Variants in ERC2 observed in about 807,000 individuals in gnomAD.
ERC2 encodes ERC protein 2.
In ERC2, 42 loss-of-function variants were observed where a neutral mutation model predicts 114.8. That is an observed-to-expected ratio of 0.37 (90% CI 0.29 to 0.47). The LOEUF (loss-of-function observed/expected upper bound fraction) is 0.47, where lower values mean the gene tolerates loss of function less well. ERC2 is among the 20% of genes least tolerant of loss of function. The pLI, the probability that ERC2 is intolerant of heterozygous loss-of-function variation, is 0.99. For synonymous variants in ERC2, 454 were observed against 425.5 expected (o/e 1.07, Z -0.82); for missense variants, 939 against 1,150.7 (o/e 0.82, Z 2.66).
intron 2 of ERC2, among the ~76,000 whole-genome samples, chr3:56,417,621 A>G (rs77215494): frequency 0.014 from 2,085 of 152,306 alleles, 49 homozygotes; most frequent in African/African-American, 0.048. Flanking sequence ...TACCACATCT[A>G]TTTTACAGGT....
intron 17 of ERC2, among the ~76,000 whole-genome samples, chr3:55,669,079 C>A (rs1000072332): frequency 6.6e-6 from 1 of 152,172 alleles, no homozygotes; most frequent in African/African-American, 2.4e-5. Flanking sequence ...ATCTTATCAA[C>A]AAAGAACCCT....
chr3:56,307,811 T>C (rs2056315221), intron 2 of ERC2, among the ~76,000 whole-genome samples: 1 of 143,832 alleles, frequency 7.0e-6, no homozygotes, highest in Admixed American at 7.2e-5. Flanking sequence ...AATCATGTAT[T>C]CACTATACAC....
intron 17 of ERC2, among the ~76,000 whole-genome samples, chr3:55,642,294 TCCTACG>T (rs1014382787): frequency 1.3e-5 from 2 of 151,788 alleles, no homozygotes; most frequent in Admixed American, 1.3e-4. Context: ...TCTCTCTGGC[TCCTACG>T]CTTTCCACAG....
intron 17 of ERC2, among the ~76,000 whole-genome samples, chr3:55,554,005 G>A (rs531511122): frequency 4.2e-4 from 64 of 152,252 alleles, no homozygotes; most frequent in African/African-American, 1.5e-3. Flanking sequence ...AGTGCCTTTA[G>A]AACTGTTTCA....
At chr3:55,641,584 A>G (rs1048255749) in intron 17 of ERC2, among the ~76,000 whole-genome samples, 1 of 147,266 alleles carries the variant, frequency 6.8e-6, no homozygotes, top group African/African-American at 2.5e-5. Flanking sequence ...AAAAAAGCCA[A>G]TATACACTCC....
At chr3:55,953,915 A>G (rs2067756432) in intron 12 of ERC2, among the ~76,000 whole-genome samples, 1 of 152,016 alleles carries the variant, frequency 6.6e-6, no homozygotes, top group Admixed American at 6.6e-5. Flanking sequence ...TCAAAGTGCT[A>G]AATTCAGTAC....
chr3:56,383,650 T>C (rs2059834386), intron 2 of ERC2, among the ~76,000 whole-genome samples: 1 of 148,442 alleles, frequency 6.7e-6, no homozygotes, highest in South Asian at 2.1e-4. Context: ...CTCATCCCTG[T>C]CATTATGGCC....
At chr3:55,528,039 T>C (rs1668739507) in intron 17 of ERC2, among the ~76,000 whole-genome samples, 1 of 152,088 alleles carries the variant, frequency 6.6e-6, no homozygotes, top group Admixed American at 6.6e-5. Context: ...TCAGGGGTAA[T>C]ATGTACATGA....
intron 6 of ERC2, among the ~76,000 whole-genome samples, chr3:56,110,249 C>G (rs971638682): frequency 1.3e-5 from 2 of 152,124 alleles, no homozygotes; most frequent in Non-Finnish European, 2.9e-5. Context: ...GGTACACGAG[C>G]ACCTTTTAAA....
At chr3:56,091,162 C>T (rs1045406955) in intron 6 of ERC2, among the ~76,000 whole-genome samples, 9 of 151,988 alleles carry the variant, frequency 5.9e-5, no homozygotes, top group Non-Finnish European at 1.3e-4. Flanking sequence ...GGAGCTGCTG[C>T]AATGAGCCAG....
intron 7 of ERC2, among the ~76,000 whole-genome samples, chr3:56,069,112 T>C (rs1285728409): frequency 6.6e-6 from 1 of 152,244 alleles, no homozygotes; most frequent in Non-Finnish European, 1.5e-5. Flanking sequence ...TCTGTCTCAA[T>C]GATCCTATCT....
intron 3 of ERC2, among the ~76,000 whole-genome samples, chr3:56,248,824 C>T (rs1213210127): frequency 2.0e-5 from 3 of 152,206 alleles, no homozygotes; most frequent in African/African-American, 7.2e-5. Context: ...CAACAAAACA[C>T]GTGTTCACAG....
At chr3:56,365,951 C>T (rs2059134023) in intron 2 of ERC2, among the ~76,000 whole-genome samples, 3 of 152,268 alleles carry the variant, frequency 2.0e-5, no homozygotes. Flanking sequence ...ACTAAATATA[C>T]AAATGGACAT....
rs144338530 is a variant in ERC2, at chr3:56,099,984, T to C, written c.1474-19000A>G. On this transcript the variant is annotated intron_variant, in intron 6 of 17. Coordinates refer to ENST00000288221, the MANE Select transcript of ERC2 (RefSeq NM_015576.3). ...AGAACCAGCTCTACGAGCACTCTTA[T>C]TGGGGAGAAAAAAAAAGGACTGAGG... Among the ~76,000 whole-genome samples, 344 of 152,138 alleles carry C rather than the reference T, an allele frequency of 2.3e-3. 9 individuals are homozygous for C. The East Asian group carries it at 0.049, about 22-fold the overall frequency.
chr3:55,716,748 A>G (rs1392233290), intron 15 of ERC2, among the ~76,000 whole-genome samples: 1 of 152,036 alleles, frequency 6.6e-6, no homozygotes, highest in Non-Finnish European at 1.5e-5. Flanking sequence ...CTCCACCTCC[A>G]CCCTGACTCC....
chr3:56,173,111 G>A (rs1011775891), intron 4 of ERC2, among the ~76,000 whole-genome samples: 3 of 152,152 alleles, frequency 2.0e-5, no homozygotes, highest in African/African-American at 7.2e-5. Context: ...TTATTGTGAT[G>A]TGAATAGGAG....
intron 15 of ERC2, among the ~76,000 whole-genome samples, chr3:55,706,692 G>C (rs2063509121): frequency 6.6e-6 from 1 of 152,068 alleles, no homozygotes; most frequent in Non-Finnish European, 1.5e-5. Context: ...AATTACAGGC[G>C]TGAGCTACCT....
intron 3 of ERC2, among the ~76,000 whole-genome samples, chr3:56,272,712 G>A (rs571726279): frequency 1.3e-5 from 2 of 152,358 alleles, no homozygotes; most frequent in East Asian, 3.9e-4. Context: ...GGAGGTTGCA[G>A]TGAGCAGAGA....
chr3:55,859,148 C>G (rs1367221168), intron 14 of ERC2, among the ~76,000 whole-genome samples: 2 of 152,182 alleles, frequency 1.3e-5, no homozygotes, highest in African/African-American at 4.8e-5. Flanking sequence ...TGTCCCTAGT[C>G]CAGATGGAGA....
Sources: allele counts gnomAD v4.1 joint callset (sites outside exome capture counted in the v4.1 genomes callset), GRCh38; gene constraint gnomAD v4.1.1; transcripts MANE v1.5; gene names NCBI Gene and HGNC (gene_info 2026-07-23, HGNC 2026-07-21).